The following STK36 variants were observed in gnomAD, a reference collection of about 807,000 sequenced individuals.
STK36 encodes the protein serine/threonine-protein kinase 36.
STK36 carries 116 observed loss-of-function variants against 142.2 expected under a neutral mutation model. The ratio of observed to expected loss-of-function variants is 0.82; its 90% CI spans 0.70 to 0.95. The LOEUF (loss-of-function observed/expected upper bound fraction) is 0.95, where lower values mean the gene tolerates loss of function less well. Among genes scored for constraint, STK36 ranks in the 40% least tolerant of loss-of-function variants. The pLI is 0.00. For synonymous variants in STK36, 619 were observed against 641.7 expected, an observed-to-expected ratio of 0.96 and a Z score of 0.53; for missense variants, 1,422 against 1,617.2, an observed-to-expected ratio of 0.88 and a Z score of 2.07.
chr2:218,689,785 C>T (rs1220526479), intron 12 of STK36, 74 bp from the exon 13 acceptor site: 2 of 1,401,468 alleles, frequency 1.4e-6, no homozygotes, highest in Admixed American at 2.0e-5. Flanking sequence ...TCTATACACC[C>T]TTTCTACTGT....
In STK36 at chr2:218,679,552, C is replaced by T. The variant is rs1238278925; in HGVS notation, c.779-8C>T. 6.2e-7 allele frequency: 1 copy of T among 1,612,424 alleles called. No individual in the cohort carries two copies. The highest frequency in any genetic ancestry group is 1.1e-5 in the South Asian group (1 of 90,854). Reference sequence around the variant, plus strand: ...TGATCATGTCTTCCTCCTCTTCCCTCCCTGCAGTAATAACTGAGCCAGCAG... The same window carrying T: ...TGATCATGTCTTCCTCCTCTTCCCTTCCTGCAGTAATAACTGAGCCAGCAG... On this transcript the variant is annotated splice_region_variant and splice_polypyrimidine_tract_variant and intron_variant, in intron 7 of 26. Transcript: ENST00000295709.
At position 218,694,194 on chromosome 2, in the gene STK36, G is replaced by A; in HGVS notation, c.2337-70G>A. On this transcript the variant is annotated intron_variant, in intron 19 of 26. Coordinates refer to ENST00000295709, the MANE Select transcript of STK36 (RefSeq NM_015690.5). This position sits in a 1 kb window ranked among gnomAD's most constrained non-coding sequence, Gnocchi z 4.4. ...AGCCTAGGTGAAGAACACCATGCAA[G>A]GGAGAGGGGAGGCCGCTTACCAACC... 7.4e-7 allele frequency: 1 copy of A among 1,352,392 alleles called. No homozygotes were observed. The highest frequency in any genetic ancestry group is 1.2e-5 in the South Asian group (1 of 85,612). The allele number at this position is 1,352,392 out of a possible 1,614,324, so 83.8% of individuals were successfully genotyped here. A position where few individuals can be genotyped will look rare whatever the true frequency, so the allele number is the denominator to read the frequency against.
In STK36 at chr2:218,692,646, C is replaced by G. The variant is rs1244829273; in HGVS notation, c.1979C>G (p.Ser660Cys). The part of the protein sequence containing the change: ...QSEDIPGAIS[S>C]ALAAICTAPV... ...GAGGATATACCTGGAGCCATTTCCT[C>G]TGCCCTGGCAGCCATATGCACTGCT... The change falls in exon 16 of 27, where the codon TCT becomes TGT. Residue 660 changes from serine (S) to cysteine (C), a missense_variant. Physicochemically the swap from Ser to Cys is moderately radical, Grantham distance 112. Around this residue, in one of 2 missense-constraint regions of STK36, gnomAD observed 962 missense variants for 1,167.5 expected, o/e 0.82. Transcript: ENST00000295709. 1.5e-5 allele frequency: 25 copies of G among 1,613,696 alleles called. No homozygotes were observed. Among genetic ancestry groups the G allele is most frequent in the Non-Finnish European group, 2.0e-5 (24 of 1,180,024 alleles).
At position 218,672,728 on chromosome 2, in the gene STK36, G is replaced by C; in HGVS notation, c.-89-13G>C. ...AGGTGGCTAACATTTTTCCTTTCCC[G>C]TGCCCCAACTAGGCGTCCCAGATGT... On this transcript the variant is annotated splice_polypyrimidine_tract_variant and intron_variant, in intron 1 of 26. Coordinates refer to ENST00000295709, the MANE Select transcript of STK36 (RefSeq NM_015690.5). 2.6e-6 allele frequency: 3 copies of C among 1,144,804 alleles called. No homozygotes were observed. Among genetic ancestry groups the C allele is most frequent in the East Asian group, 4.8e-5 (2 of 41,884 alleles). 70.9% of individuals were successfully genotyped at this position (1,144,804 alleles called of 1,614,324 possible). A position where few individuals can be genotyped will look rare whatever the true frequency, so the allele number is the denominator to read the frequency against.
intron 24 of STK36, 53 bp from the exon 25 acceptor site, chr2:218,697,801 A>G: frequency 1.2e-6 from 2 of 1,612,184 alleles, no homozygotes; most frequent in Non-Finnish European, 1.7e-6. Flanking sequence ...GGAGGGAGGA[A>G]TGATAAAGGT....
At position 218,675,474 on chromosome 2, in the gene STK36, G is replaced by A. The variant is rs1409153606; in HGVS notation, c.434+1G>A. The stretch of plus-strand genomic sequence containing the variant: ...GTGGCATCAAGCTCTGTGACTTTGG[G>A]TAAAGATTCTGAGCATCCATCTAAG... On this transcript the variant is annotated splice_donor_variant, in intron 5 of 26. Transcript: ENST00000295709. LOFTEE classifies it high-confidence loss of function. The A allele has an allele frequency of 1.2e-6, 2 of 1,604,820 alleles. No individual in the cohort carries two copies. The highest frequency in any genetic ancestry group is 2.2e-5 in the South Asian group (2 of 90,886).
intron 26 of STK36, among the ~76,000 whole-genome samples, chr2:218,699,961 A>C (rs994318411): frequency 4.0e-5 from 6 of 151,212 alleles, no homozygotes; most frequent in African/African-American, 1.5e-4. Context: ...TTTCACTCGT[A>C]CTGCCCAGGC....
Position 218,694,447 on chromosome 2 carries a change from G to A in STK36, c.2401-78G>A. The stretch of plus-strand genomic sequence containing the variant: ...GGAGGCATTCTTTTGGACCAGGACA[G>A]AGACATAAATCCTCTCTGCCTGTCC... On this transcript the variant is annotated intron_variant, in intron 20 of 26. Transcript: ENST00000295709. This position sits in a 1 kb window ranked among gnomAD's most constrained non-coding sequence, Gnocchi z 4.4. 1.9e-6 allele frequency: 3 copies of A among 1,538,696 alleles called. No homozygotes were observed. Among genetic ancestry groups the A allele is most frequent in the Non-Finnish European group, 2.7e-6 (3 of 1,112,010 alleles).
Position 218,694,065 on chromosome 2 carries a change from C to A in STK36, c.2336+82C>A. The A allele has an allele frequency of 7.2e-7, 1 of 1,394,682 alleles. No homozygotes were observed. Among genetic ancestry groups the A allele is most frequent in the East Asian group, 2.3e-5 (1 of 43,782 alleles). 86.4% of individuals were successfully genotyped at this position (1,394,682 alleles called of 1,614,324 possible). On this transcript the variant is annotated intron_variant, in intron 19 of 26. Transcript: ENST00000295709. This position sits in a 1 kb window ranked among gnomAD's most constrained non-coding sequence, Gnocchi z 4.4. ...CACAAAGAGTATGGGGAATGGTACC[C>A]TACAGCATATCCTTAGGAGGAATTG...
At chr2:218,697,012 C>G in intron 22 of STK36, 27 bp from the exon 23 acceptor site, 1 of 1,612,240 alleles carries the variant, frequency 6.2e-7, no homozygotes, top group Non-Finnish European at 8.5e-7. Context: ...TGTCTTTCCC[C>G]CCGCCCTCTT....
Position 218,675,362 on chromosome 2 carries a change from A to G in STK36, c.323A>G (p.Gln108Arg), listed in dbSNP as rs781474257. 5 of 1,611,558 alleles carry G rather than the reference A, an allele frequency of 3.1e-6. No homozygotes were observed. In the South Asian group the frequency reaches 4.4e-5, roughly 14 times the overall value. Residue 108 changes from glutamine (Q) to arginine (R), a missense_variant, in exon 5 of 27, where the codon CAG becomes CGG. Physicochemically the swap from Gln to Arg is conservative, Grantham distance 43. Coordinates refer to ENST00000295709, the MANE Select transcript of STK36 (RefSeq NM_015690.5). ...PEDQVQAIAAQLVSALYYLHS... is the reference protein window; with the variant it reads ...PEDQVQAIAARLVSALYYLHS... ...TTCTAGGTTCAGGCCATTGCTGCCC[A>G]GTTGGTGTCAGCCCTGTACTATCTG...
At chr2:218,690,301 G>A (rs767306430) in intron 13 of STK36, 149 bp from the exon 14 acceptor site, 61 of 699,834 alleles carry the variant, frequency 8.7e-5, no homozygotes, top group Non-Finnish European at 1.5e-4. Context: ...CTTGGAGGGT[G>A]TATGTGTGTG....
chr2:218,692,974 C>T (rs1022051372), intron 16 of STK36, among the ~76,000 whole-genome samples: 1 of 152,192 alleles, frequency 6.6e-6, no homozygotes, highest in South Asian at 2.1e-4. Context: ...GTGATGCTTC[C>T]TCAAGGGCTG....
At position 218,694,175 on chromosome 2, in the gene STK36, G is replaced by A; in HGVS notation, c.2337-89G>A. ...GCCTTGGAGGTAGACATGCAGCCTA[G>A]GTGAAGAACACCATGCAAGGGAGAG... On this transcript the variant is annotated intron_variant, in intron 19 of 26. Coordinates refer to ENST00000295709, the MANE Select transcript of STK36 (RefSeq NM_015690.5). The surrounding 1 kb of genome is among the most constrained non-coding windows in gnomAD (Gnocchi z 4.4). The A allele has an allele frequency of 8.0e-7, 1 of 1,254,238 alleles. No homozygotes were observed. Among genetic ancestry groups the A allele is most frequent in the Non-Finnish European group, 1.2e-6 (1 of 855,150 alleles). The allele number at this position is 1,254,238 out of a possible 1,614,324, so 77.7% of individuals were successfully genotyped here.
chr2:218,701,720 A>G (rs769588840), intron 26 of STK36, 146 bp from the exon 27 acceptor site: 5 of 881,230 alleles, frequency 5.7e-6, no homozygotes, highest in Non-Finnish European at 8.5e-6. Flanking sequence ...CATTCAGTCT[A>G]TTCCAAGTCC....
Position 218,690,504 on chromosome 2 carries a change from G to C in STK36, c.1713G>C (p.Leu571=). The C allele has an allele frequency of 6.2e-7, 1 of 1,614,184 alleles. No homozygotes were observed. Among genetic ancestry groups the C allele is most frequent in the South Asian group, 1.1e-5 (1 of 91,082 alleles). ...ANLFLDLLGK[L]LAQPDDSEQT... ...TTTTTCTGGACCTGTTGGGGAAACT[G>C]CTGGCCCAACCAGATGACTCTGAGC... The change falls in exon 14 of 27, where the codon CTG becomes CTC. Residue 571 remains leucine, a synonymous_variant. Transcript: ENST00000295709.
At chr2:218,693,502 C>T (rs1184278642) in intron 17 of STK36, among the ~76,000 whole-genome samples, 158 bp downstream of exon 17, 1 of 152,238 alleles carries the variant, frequency 6.6e-6, no homozygotes, top group Non-Finnish European at 1.5e-5. Flanking sequence ...GCTTTTAAAT[C>T]TGTTCAACTG....
At position 218,699,292 on chromosome 2, in the gene STK36, A is replaced by G. The variant is rs750904375; in HGVS notation, c.3748A>G (p.Lys1250Glu). 1.4e-5 allele frequency: 22 copies of G among 1,613,932 alleles called. No homozygotes were observed. The highest frequency in any genetic ancestry group is 1.9e-5 in the Non-Finnish European group (22 of 1,180,014). ...ATGTGGAGACCCCCAGCCAAATGTG[A>G]AGGAGGCTGCCCTCATTGCCCTCCG... ...MACGDPQPNV[K>E]EAALIALRSL... Residue 1250 changes from lysine (K) to glutamate (E), a missense_variant, in exon 26 of 27, where the codon AAG (lysine) becomes GAG (glutamate). By Grantham distance (56) the Lys-to-Glu change is moderately conservative. This residue lies in a region of STK36 where 962 missense variants were observed against 1,167.5 expected (regional missense o/e 0.82). Transcript: ENST00000295709.
At chr2:218,685,267 G>A (rs777322562) in intron 11 of STK36, 39 bp downstream of exon 11, 95 of 1,608,458 alleles carry the variant, frequency 5.9e-5, no homozygotes, top group Non-Finnish European at 7.7e-5. Context: ...GATCAAGACT[G>A]TTTTCACAGA....
Sources: allele counts gnomAD v4.1 joint callset (sites outside exome capture counted in the v4.1 genomes callset), GRCh38; gene constraint gnomAD v4.1.1; regional missense constraint gnomAD v4.1.1; non-coding constraint Gnocchi (gnomAD v3.1); transcripts MANE v1.5; gene names NCBI Gene and HGNC (gene_info 2026-07-23, HGNC 2026-07-21).